Variants in NOTCH1 observed in about 807,000 individuals in gnomAD.
NOTCH1 encodes the protein neurogenic locus notch homolog protein 1.
A neutral mutation model predicts 254.8 loss-of-function variants in NOTCH1; 37 were observed. That is an observed-to-expected ratio of 0.15 (90% CI 0.11 to 0.19). The LOEUF is 0.19. NOTCH1 is among the 10% of genes least tolerant of loss of function. The pLI, the probability that NOTCH1 is intolerant of heterozygous loss-of-function variation, is 1.00. For missense variants in NOTCH1, 2,972 were observed against 3,708.6 expected (o/e 0.80, Z 5.16); for synonymous variants, 1,731 against 1,618.1 (o/e 1.07, Z -1.68).
chr9:136,507,871 T>C, intron 21 of NOTCH1, 84 bp downstream of exon 21: 4 of 1,439,520 alleles, frequency 2.8e-6, no homozygotes, highest in Non-Finnish European at 3.9e-6. Flanking sequence ...TTCAGTTTTC[T>C]CCACTGGGCC....
At chr9:136,528,891 C>T (rs894784161) in intron 2 of NOTCH1, among the ~76,000 whole-genome samples, 1 of 152,152 alleles carries the variant, frequency 6.6e-6, no homozygotes, top group Non-Finnish European at 1.5e-5. Context: ...AGCCCGTGGC[C>T]ACGTCCTGCA....
At chr9:136,518,866 C>T (rs2133371861) in intron 5 of NOTCH1, 42 bp from the exon 6 acceptor site, 4 of 1,555,328 alleles carry the variant, frequency 2.6e-6, no homozygotes, top group South Asian at 1.1e-5. Flanking sequence ...AGCTGCCACT[C>T]CCTGAGCTCC....
At chr9:136,512,927 C>CT in intron 15 of NOTCH1, 94 bp downstream of exon 15, 2 of 394,586 alleles carry the variant, frequency 5.1e-6, no homozygotes, top group East Asian at 7.9e-5. Context: ...CTGGCCCCAC[C>CT]CTCTCCAGCA....
At chr9:136,497,979 C>T (rs2133320098) in intron 33 of NOTCH1, among the ~76,000 whole-genome samples, 1 of 152,294 alleles carries the variant, frequency 6.6e-6, no homozygotes, top group Non-Finnish European at 1.5e-5. Context: ...TCAAGCCACC[C>T]TGGTGGCCAC....
At position 136,506,757 on chromosome 9, in the gene NOTCH1, C is replaced by T. The variant is rs763679772; in HGVS notation, c.3860G>A (p.Arg1287His). Residue 1287 changes from arginine to histidine, a missense_variant, in exon 23 of 34, where the codon CGC becomes CAC. Transcript: ENST00000651671. This position sits in a 1 kb window ranked among gnomAD's most constrained non-coding sequence, Gnocchi z 4.5. Reference sequence around the variant, plus strand: ...GCACTCGCAGTGGAAGTCATTGACGCGCTGCACGCAGTTCTGGGTGCCACG... The same window carrying T: ...GCACTCGCAGTGGAAGTCATTGACGTGCTGCACGCAGTTCTGGGTGCCACG... ...DARGTQNCVQRVNDFHCECRA... is the reference protein window; with the variant it reads ...DARGTQNCVQHVNDFHCECRA... 3.1e-5 allele frequency: 50 copies of T among 1,605,610 alleles called. No individual in the cohort carries two copies. In the South Asian group the frequency reaches 3.1e-4, roughly 10 times the overall value.
rs748102038 is a variant in NOTCH1, at chr9:136,517,380, C to T, written c.1447G>A (p.Glu483Lys). ...GTGTTGACCTCGCAGTGCACACCCTCGTAGCCTGTGGGGTGGGGCAACAGT... is the reference window on the plus strand; with the variant it reads ...GTGTTGACCTCGCAGTGCACACCCTTGTAGCCTGTGGGGTGGGGCAACAGT... ...EFQCICMPGY[E>K]GVHCEVNTDE... The change falls in exon 9 of 34, where the codon GAG (glutamate) becomes AAG (lysine). Residue 483 changes from glutamate (E) to lysine (K), a missense_variant. Glu to Lys is a moderately conservative substitution (Grantham distance 56). Around this residue, in one of 8 missense-constraint regions of NOTCH1, gnomAD observed 128 missense variants for 193.8 expected, o/e 0.66. Coordinates refer to ENST00000651671, the MANE Select transcript of NOTCH1 (RefSeq NM_017617.5). 1.0e-5 allele frequency: 16 copies of T among 1,593,744 alleles called. No individual in the cohort carries two copies. The highest frequency in any genetic ancestry group is 1.1e-5 in the South Asian group (1 of 88,468).
intron 5 of NOTCH1, 103 bp downstream of exon 5, chr9:136,519,340 G>C: frequency 1.3e-6 from 2 of 1,526,506 alleles, no homozygotes; most frequent in African/African-American, 2.7e-5. Flanking sequence ...CCTGGCCTGG[G>C]ACAGGGTCTC....
intron 2 of NOTCH1, among the ~76,000 whole-genome samples, chr9:136,541,641 G>A (rs918943633): frequency 2.0e-5 from 3 of 152,192 alleles, no homozygotes; most frequent in Non-Finnish European, 4.4e-5. Flanking sequence ...GGGCAGGAAC[G>A]GGAAGGCAGA....
chr9:136,502,245 C>A (rs2133330673), intron 28 of NOTCH1, 27 bp downstream of exon 28: 1 of 1,606,676 alleles, frequency 6.2e-7, no homozygotes. Flanking sequence ...CACCGGGGAC[C>A]CAGAAGCAGG....
rs745829741 is a variant in NOTCH1, at chr9:136,513,570, G to A, written c.2208-33C>T. On this transcript the variant is annotated intron_variant, in intron 13 of 33. Transcript: ENST00000651671. This position sits in a 1 kb window ranked among gnomAD's most constrained non-coding sequence, Gnocchi z 4.7. ...GGGGACCACACTGCAGGTCGAGGGA[G>A]GCCCGAGCAGCACGGCCGGGGCCTG... The A allele has an allele frequency of 1.2e-5, 20 of 1,611,886 alleles. No homozygotes were observed. The East Asian group carries it at 3.1e-4, about 25-fold the overall frequency.
At chr9:136,537,041 G>T (rs1843667304) in intron 2 of NOTCH1, among the ~76,000 whole-genome samples, 1 of 152,244 alleles carries the variant, frequency 6.6e-6, no homozygotes, top group African/African-American at 2.4e-5. Flanking sequence ...TCCTGAGCAG[G>T]ACAGGGGCCG....
In NOTCH1 at chr9:136,495,835, G is replaced by T; in HGVS notation, c.*236C>A. 2.1e-6 allele frequency: 1 copy of T among 486,720 alleles called. No individual in the cohort carries two copies. 30.2% of individuals were successfully genotyped at this position (486,720 alleles called of 1,614,324 possible). On this transcript the variant is annotated 3_prime_UTR_variant, in exon 34 of 34. Transcript: ENST00000651671. ...AGAACTTGCTTGTTTTCTCAGAATA[G>T]ATAAAAGTTTCTACCTGGGGCCAGA...
intron 2 of NOTCH1, among the ~76,000 whole-genome samples, 174 bp from the exon 3 acceptor site, chr9:136,524,153 A>G (rs1843422033): frequency 6.6e-6 from 1 of 152,246 alleles, no homozygotes; most frequent in South Asian, 2.1e-4. Context: ...GGAACCAGAC[A>G]CATGCCGCGA....
rs932196144 is a variant in NOTCH1, at chr9:136,511,276, G to T, written c.2468-5C>A. On this transcript the variant is annotated splice_polypyrimidine_tract_variant and splice_region_variant and intron_variant, in intron 15 of 33. Transcript: ENST00000651671. ...GCACCACCTCACACGTGGCACCTGC[G>T]GGAAGGAGACACACGTGACCCCGGG... The T allele has an allele frequency of 6.2e-7, 1 of 1,609,568 alleles. No homozygotes were observed.
At position 136,496,405 on chromosome 9, in the gene NOTCH1, G is replaced by A. The variant is rs1564567692; in HGVS notation, c.7334C>T (p.Pro2445Leu). 6.3e-7 allele frequency: 1 copy of A among 1,599,380 alleles called. No individual in the cohort carries two copies. The highest frequency in any genetic ancestry group is 1.7e-5 in the Admixed American group (1 of 59,722). Residue 2445 changes from proline to leucine, a missense_variant, in exon 34 of 34, where the codon CCA becomes CTA. Coordinates refer to ENST00000651671, the MANE Select transcript of NOTCH1 (RefSeq NM_017617.5). ...CACCGCCAGGCTGCTGGGGCCCAGT[G>A]GCTGCACGTCTGCCTGGCTCGGCTC... Reference protein sequence around the residue: ...SGEPSQADVQPLGPSSLAVHT... With the variant: ...SGEPSQADVQLLGPSSLAVHT...
Position 136,523,198 on chromosome 9 carries a change from AG to A in NOTCH1, c.404-11del. On this transcript the variant is annotated splice_polypyrimidine_tract_variant and intron_variant, in intron 3 of 33. Coordinates refer to ENST00000651671, the MANE Select transcript of NOTCH1 (RefSeq NM_017617.5). ...TGCTGGCACGATTTCCCTGGAGACA[AG>A]GGGACAAGAGGGTCGTGCTGGCCTC... The A allele has an allele frequency of 6.3e-7, 1 of 1,588,376 alleles. No homozygotes were observed. Among genetic ancestry groups the A allele is most frequent in the Non-Finnish European group, 8.6e-7 (1 of 1,168,646 alleles).
intron 16 of NOTCH1, 92 bp from the exon 17 acceptor site, chr9:136,510,897 C>T (rs566270163): frequency 8.3e-5 from 129 of 1,560,740 alleles, no homozygotes; most frequent in Middle Eastern, 2.0e-4. Context: ...GTGCCTCTCC[C>T]GACCCAGGAG....
At position 136,515,549 on chromosome 9, in the gene NOTCH1, G is replaced by A. The variant is rs763988265; in HGVS notation, c.1837C>T (p.Arg613Cys). The A allele has an allele frequency of 4.6e-5, 74 of 1,611,224 alleles. 1 individual carries two copies. Among genetic ancestry groups the A allele is most frequent in the Admixed American group, 2.7e-4 (16 of 59,986 alleles). Residue 613 changes from arginine (R) to cysteine (C), a missense_variant, in exon 11 of 34, where the codon CGC (arginine) becomes TGC (cysteine). Physicochemically the swap from Arg to Cys is radical, Grantham distance 180. Transcript: ENST00000651671. Reference sequence around the variant, plus strand: ...CGGTCCTGGCAGGTGCCCCCGTGGCGGCAGGGCTGGCTGGAGCACTCGTTG... The same window carrying A: ...CGGTCCTGGCAGGTGCCCCCGTGGCAGCAGGGCTGGCTGGAGCACTCGTTG... ...NINECSSQPCRHGGTCQDRDN... is the reference protein window; with the variant it reads ...NINECSSQPCCHGGTCQDRDN...
Position 136,497,175 on chromosome 9 carries a change from G to T in NOTCH1, c.6564C>A (p.Gly2188=), listed in dbSNP as rs747353119. Reference sequence around the variant, plus strand: ...GCATGCCGGAGCTGTCCAGCAGGCAGCCCTTGCCGTCCTGGGACTTCTTCC... The same window carrying T: ...GCATGCCGGAGCTGTCCAGCAGGCATCCCTTGCCGTCCTGGGACTTCTTCC... ...ARRKKSQDGK[G]CLLDSSGMLS... The change falls in exon 34 of 34, where the codon GGC becomes GGA. Residue 2188 remains glycine (G), a synonymous_variant. Coordinates refer to ENST00000651671, the MANE Select transcript of NOTCH1 (RefSeq NM_017617.5). The T allele has an allele frequency of 2.5e-6, 4 of 1,612,808 alleles. No homozygotes were observed.
Sources: gnomAD v4.1 joint callset for allele counts (sites outside exome capture counted in the v4.1 genomes callset) on GRCh38, gnomAD v4.1.1 for gene constraint, gnomAD v4.1.1 regional missense constraint, Gnocchi (gnomAD v3.1) non-coding constraint, MANE v1.5 for transcripts, NCBI Gene and HGNC (gene_info 2026-07-23, HGNC 2026-07-21) for gene names.